SETD2: variants seen among roughly 807,000 people sequenced by gnomAD.
SETD2 encodes histone-lysine N-methyltransferase SETD2.
Under a neutral mutation model 242.1 loss-of-function variants are expected in SETD2, and 31 were observed. That is an observed-to-expected ratio of 0.13 (90% confidence interval 0.10 to 0.17). SETD2 has a LOEUF of 0.17. SETD2 is among the 10% of genes least tolerant of loss of function. The pLI is 1.00. For missense variants in SETD2, 2,481 were observed against 3,046.3 expected, an observed-to-expected ratio of 0.81 and a Z score of 4.37; for synonymous variants, 1,006 against 1,066.5, an observed-to-expected ratio of 0.94 and a Z score of 1.11.
intron 17 of SETD2, among the ~76,000 whole-genome samples, chr3:47,040,706 T>C (rs774639203): frequency 6.6e-6 from 1 of 150,716 alleles, no homozygotes; most frequent in African/African-American, 2.4e-5. Context: ...CCCAACTAGT[T>C]GTGACTACAG....
chr3:47,058,465 C>CAAAA (rs1448864045), intron 14 of SETD2, among the ~76,000 whole-genome samples: 11 of 76,142 alleles, frequency 1.4e-4, no homozygotes, highest in African/African-American at 3.4e-4. Context: ...AAAAAAAAAA[C>CAAAA]ACAAAGAGGG....
At chr3:47,058,441 A>G in intron 14 of SETD2, among the ~76,000 whole-genome samples, 1 of 60,340 alleles carries the variant, frequency 1.7e-5, no homozygotes. Context: ...ACACCGTCTC[A>G]AAAAAAAAAA....
At chr3:47,163,828 C>G in intron 1 of SETD2, 26 bp downstream of exon 1, 1 of 1,266,320 alleles carries the variant, frequency 7.9e-7, no homozygotes, top group Non-Finnish European at 1.0e-6. Context: ...CCGACAGCAG[C>G]GGGGGGCCGC....
intron 13 of SETD2, among the ~76,000 whole-genome samples, chr3:47,066,694 A>G (rs1046808819): frequency 6.6e-6 from 1 of 152,044 alleles, no homozygotes; most frequent in African/African-American, 2.4e-5. Context: ...GACATCTAGA[A>G]GTATAGGTTT....
chr3:47,102,207 A>C (rs1353522384), intron 7 of SETD2, among the ~76,000 whole-genome samples: 1 of 152,234 alleles, frequency 6.6e-6, no homozygotes, highest in Non-Finnish European at 1.5e-5. Flanking sequence ...CATGTTACTA[A>C]TGAAAACTCT....
At chr3:47,052,764 C>G (rs1233197193) in intron 15 of SETD2, among the ~76,000 whole-genome samples, 1 of 151,806 alleles carries the variant, frequency 6.6e-6, no homozygotes, top group Non-Finnish European at 1.5e-5. Flanking sequence ...TGCAATGAGT[C>G]GAGATTGCAC....
intron 1 of SETD2, 101 bp downstream of exon 1, chr3:47,163,753 A>T (rs2106867344): frequency 9.5e-7 from 1 of 1,053,478 alleles, no homozygotes; most frequent in Non-Finnish European, 1.2e-6. Flanking sequence ...TGGGCCTGTT[A>T]CTCCTCGCGC....
intron 11 of SETD2, among the ~76,000 whole-genome samples, chr3:47,085,678 T>C (rs2041522174): frequency 6.6e-6 from 1 of 152,254 alleles, no homozygotes; most frequent in African/African-American, 2.4e-5. Context: ...ATTAGAAAGT[T>C]AGAAAATTTT....
intron 17 of SETD2, among the ~76,000 whole-genome samples, chr3:47,039,052 A>G (rs988206522): frequency 1.3e-5 from 2 of 152,186 alleles, no homozygotes; most frequent in Non-Finnish European, 2.9e-5. Context: ...GAACTCATTT[A>G]TTTTAAAAGG....
In SETD2 at chr3:47,101,460, A is replaced by G. The variant is rs748043224; in HGVS notation, c.5013T>C (p.Tyr1671=). The G allele has an allele frequency of 8.1e-6, 13 of 1,598,320 alleles. No homozygotes were observed. The highest frequency in any genetic ancestry group is 3.3e-4 in the Middle Eastern group (2 of 6,028). The change falls in exon 8 of 21, where the codon TAT becomes TAC. Residue 1671 remains tyrosine, a splice_region_variant and synonymous_variant. Transcript: ENST00000409792. ...AAATTAGTAGAAACAATACTTACCCATATCTCTGGAACTGATAGTCAAACG... is the reference window on the plus strand; with the variant it reads ...AAATTAGTAGAAACAATACTTACCCGTATCTCTGGAACTGATAGTCAAACG... ...ELTFDYQFQR[Y]GKEAQKCFCG...
chr3:47,088,052 TCTTC>T, intron 10 of SETD2, 57 bp downstream of exon 10: 2 of 1,485,650 alleles, frequency 1.3e-6, no homozygotes, highest in Middle Eastern at 3.5e-4. Context: ...TCTTCATTCA[TCTTC>T]ATTCATTCAT....
At chr3:47,058,448 A>T (rs2040174533) in intron 14 of SETD2, among the ~76,000 whole-genome samples, 1 of 148,226 alleles carries the variant, frequency 6.7e-6, no homozygotes. Context: ...CTCAAAAAAA[A>T]AAAAAAAAAA....
chr3:47,082,727 C>G (rs1322909488), intron 12 of SETD2, among the ~76,000 whole-genome samples: 1 of 152,162 alleles, frequency 6.6e-6, no homozygotes, highest in East Asian at 1.9e-4. Flanking sequence ...AGAAGGGTCT[C>G]AACACAGCAA....
At chr3:47,052,225 C>T (rs1374784039) in intron 15 of SETD2, among the ~76,000 whole-genome samples, 1 of 152,064 alleles carries the variant, frequency 6.6e-6, no homozygotes, top group African/African-American at 2.4e-5. Context: ...GGCTGGAGTG[C>T]GGTGGCACAA....
At chr3:47,024,071 G>A (rs1010627702) in intron 18 of SETD2, among the ~76,000 whole-genome samples, 14 of 152,182 alleles carry the variant, frequency 9.2e-5, no homozygotes, top group African/African-American at 3.4e-4. Context: ...TGGATGTGGT[G>A]GCTCAGGCCT....
chr3:47,095,837 A>C (rs1205024642), intron 9 of SETD2, among the ~76,000 whole-genome samples: 2 of 152,210 alleles, frequency 1.3e-5, no homozygotes, highest in Non-Finnish European at 2.9e-5. Context: ...AATTAGAAAT[A>C]AATGTTCATC....
chr3:47,022,302 ATTGT>A (rs2038267091), intron 18 of SETD2, among the ~76,000 whole-genome samples: 1 of 151,246 alleles, frequency 6.6e-6, no homozygotes. Context: ...AGATGGGGAG[ATTGT>A]TTGAGCCCAG....
At chr3:47,117,177 A>G (rs1205263744) in intron 3 of SETD2, among the ~76,000 whole-genome samples, 3 of 151,750 alleles carry the variant, frequency 2.0e-5, no homozygotes, top group African/African-American at 7.3e-5. Flanking sequence ...ATTCACATTT[A>G]ATGATTCCTG....
intron 18 of SETD2, among the ~76,000 whole-genome samples, chr3:47,023,006 T>G (rs1340557433): frequency 1.3e-5 from 2 of 152,208 alleles, no homozygotes; most frequent in Non-Finnish European, 2.9e-5. Flanking sequence ...CCATGTGACT[T>G]GGAACCAAGA....
Sources: gnomAD v4.1 joint callset for allele counts (sites outside exome capture counted in the v4.1 genomes callset) on GRCh38, gnomAD v4.1.1 for gene constraint, MANE v1.5 for transcripts, NCBI Gene and HGNC (gene_info 2026-07-23, HGNC 2026-07-21) for gene names.